The following SUMF1 variants were observed in gnomAD, a reference collection of about 807,000 sequenced individuals.
SUMF1 encodes the protein formylglycine-generating enzyme.
A neutral mutation model predicts 47.6 loss-of-function variants in SUMF1; 48 were observed. The ratio of observed to expected loss-of-function variants is 1.01; its 90% CI spans 0.80 to 1.28. The LOEUF (loss-of-function observed/expected upper bound fraction) is 1.28, where lower values mean the gene tolerates loss of function less well. Ranked by LOEUF, SUMF1 falls within the 50% of genes most tolerant of loss-of-function variation. The pLI is 0.00. For synonymous variants in SUMF1, 230 were observed against 192.1 expected (o/e 1.20, Z -1.63); for missense variants, 571 against 485.4 (o/e 1.18, Z -1.66).
At chr3:4,182,608 A>T (rs937988729) in intron 8 of SUMF1, among the ~76,000 whole-genome samples, 1 of 151,950 alleles carries the variant, frequency 6.6e-6, no homozygotes, top group African/African-American at 2.4e-5. Context: ...ATTCCACCCC[A>T]ATTCTCCAAA....
chr3:4,356,322 T>C (rs771575167), downstream of SUMF1, among the ~76,000 whole-genome samples: 1 of 152,244 alleles, frequency 6.6e-6, no homozygotes, highest in African/African-American at 2.4e-5. Context: ...CTGATACTAA[T>C]CTGCAAACTT....
chr3:4,313,288 C>G, intron 8 of SUMF1: 1 of 1,613,838 alleles, frequency 6.2e-7, no homozygotes, highest in South Asian at 1.1e-5. Flanking sequence ...GAGAAGAATT[C>G]ACTTACAAAC....
intron 1 of SUMF1, among the ~76,000 whole-genome samples, chr3:4,456,874 CTA>C (rs777508114): frequency 2.6e-3 from 47 of 18,300 alleles, no homozygotes; most frequent in East Asian, 6.0e-3. Flanking sequence ...GTGTGTATAT[CTA>C]TATGTGTGTG....
intron 8 of SUMF1, among the ~76,000 whole-genome samples, chr3:4,092,175 C>G (rs970589681): frequency 1.3e-5 from 2 of 152,116 alleles, no homozygotes; most frequent in African/African-American, 2.4e-5. Flanking sequence ...AGCTCACTAT[C>G]ATAATCTCCT....
Position 4,376,319 on chromosome 3 carries a change from A to T in SUMF1, c.1014+11T>A. On this transcript the variant is annotated intron_variant, in intron 8 of 8. Coordinates refer to ENST00000272902, the MANE Select transcript of SUMF1 (RefSeq NM_182760.4). ...ACAAGAACGGCAAAACAGTTTAGTG[A>T]CATGACTTACCCTATGGCACATGTA... The T allele has an allele frequency of 6.2e-7, 1 of 1,614,104 alleles. No individual in the cohort carries two copies. Among genetic ancestry groups the T allele is most frequent in the Non-Finnish European group, 8.5e-7 (1 of 1,179,934 alleles).
intron 7 of SUMF1, among the ~76,000 whole-genome samples, chr3:4,405,926 T>G (rs1041016357): frequency 6.6e-6 from 1 of 152,198 alleles, no homozygotes; most frequent in Non-Finnish European, 1.5e-5. Flanking sequence ...AAAGTTTTCA[T>G]GGAGAGAATG....
At chr3:4,437,120 G>A (rs1041130755) in intron 3 of SUMF1, among the ~76,000 whole-genome samples, 1 of 152,268 alleles carries the variant, frequency 6.6e-6, no homozygotes, top group Middle Eastern at 3.4e-3. Flanking sequence ...TCCCTGAGAC[G>A]CAGAAAGGAA....
chr3:4,315,478 CAACT>C (rs1429671170), intron 8 of SUMF1, among the ~76,000 whole-genome samples: 1 of 152,158 alleles, frequency 6.6e-6, no homozygotes, highest in Non-Finnish European at 1.5e-5. Context: ...CTGCCAGAGA[CAACT>C]GACTGAATAT....
intron 3 of SUMF1, among the ~76,000 whole-genome samples, chr3:4,431,129 G>T (rs1220356675): frequency 6.6e-6 from 1 of 152,132 alleles, no homozygotes; most frequent in African/African-American, 2.4e-5. Flanking sequence ...GTTGATAGTG[G>T]GAGGAGGCAG....
intron 8 of SUMF1, chr3:4,303,439 C>G: frequency 6.4e-7 from 1 of 1,550,968 alleles, no homozygotes; most frequent in Non-Finnish European, 8.7e-7. Flanking sequence ...AGCCTGAGGC[C>G]CCGACTGAGC....
At chr3:4,100,250 G>A (rs1424433839) in intron 8 of SUMF1, among the ~76,000 whole-genome samples, 1 of 151,684 alleles carries the variant, frequency 6.6e-6, no homozygotes, top group Non-Finnish European at 1.5e-5. Context: ...TGACCAAAAA[G>A]AACAAAGCTG....
intron 7 of SUMF1, among the ~76,000 whole-genome samples, chr3:4,396,206 T>A (rs1575171795): frequency 6.6e-6 from 1 of 152,354 alleles, no homozygotes; most frequent in East Asian, 1.9e-4. Flanking sequence ...GGCCAGGATG[T>A]CTGGCTTCAG....
chr3:4,329,961 A>C (rs1341440508), intron 8 of SUMF1, among the ~76,000 whole-genome samples: 2 of 152,158 alleles, frequency 1.3e-5, no homozygotes, highest in African/African-American at 2.4e-5. Context: ...GCCCTAAATT[A>C]TCTCTCTCAA....
chr3:4,097,488 G>C (rs1692932788), intron 8 of SUMF1, among the ~76,000 whole-genome samples: 2 of 152,034 alleles, frequency 1.3e-5, no homozygotes, highest in Non-Finnish European at 2.9e-5. Context: ...GGGAGGCGGA[G>C]GTTGCAGTGA....
At chr3:4,105,448 G>A (rs1693136485) in intron 8 of SUMF1, among the ~76,000 whole-genome samples, 2 of 152,048 alleles carry the variant, frequency 1.3e-5, no homozygotes, top group African/African-American at 4.8e-5. Flanking sequence ...TTAGAATAGT[G>A]ATATTTAAAA....
chr3:4,382,420 G>A (rs1402167403), intron 7 of SUMF1, among the ~76,000 whole-genome samples: 3 of 151,954 alleles, frequency 2.0e-5, no homozygotes, highest in South Asian at 2.1e-4. Context: ...GGAAATACAA[G>A]GGGTAGAAGA....
chr3:4,190,022 G>T (rs1695281825), intron 8 of SUMF1, among the ~76,000 whole-genome samples: 1 of 152,054 alleles, frequency 6.6e-6, no homozygotes, highest in African/African-American at 2.4e-5. Flanking sequence ...TCAGTGAATT[G>T]ACTCCAATTT....
intron 8 of SUMF1, among the ~76,000 whole-genome samples, chr3:4,260,119 A>G (rs765069838): frequency 2.0e-4 from 30 of 152,136 alleles, no homozygotes; most frequent in Non-Finnish European, 3.5e-4. Flanking sequence ...AACTTCTAAT[A>G]CTTCTAGATC....
At position 4,442,638 on chromosome 3, in the gene SUMF1, G is replaced by GAAAAAAAAAAAAAAAA. The variant is rs61296884; in HGVS notation, c.519+6627_519+6628insTTTTTTTTTTTTTTTT. ...AAATAGAGGGACAAGAGAGAAAAAG[G>GAAAAAAAAAAAAAAAA]AAAAAAAAAAAAAAGAGAGAGAAAA... On this transcript the variant is annotated intron_variant, in intron 3 of 8. Coordinates refer to ENST00000272902, the MANE Select transcript of SUMF1 (RefSeq NM_182760.4). Among the ~76,000 whole-genome samples the GAAAAAAAAAAAAAAAA allele has an allele frequency of 5.2e-4, 32 of 61,270 alleles. 1 individual carries two copies. The highest frequency in any genetic ancestry group is 2.9e-3 in the East Asian group (7 of 2,442). The allele number at this position is 61,270 out of a possible 152,430, so 40.2% of individuals were successfully genotyped here. A position where few individuals can be genotyped will look rare whatever the true frequency, so the allele number is the denominator to read the frequency against.
Sources: allele counts gnomAD v4.1 joint callset (sites outside exome capture counted in the v4.1 genomes callset), GRCh38; gene constraint gnomAD v4.1.1; transcripts MANE v1.5; gene names NCBI Gene and HGNC (gene_info 2026-07-23, HGNC 2026-07-21).